Variants in MAPK8 observed in about 807,000 individuals in gnomAD.
MAPK8 encodes JUN N-terminal kinase.
Under a neutral mutation model 52.9 loss-of-function variants are expected in MAPK8, and 13 were observed. The observed-to-expected ratio is 0.25, with a 90% confidence interval of 0.16 to 0.39. The LOEUF (loss-of-function observed/expected upper bound fraction) is 0.39. Ranked by LOEUF, MAPK8 falls within the 10% of genes least tolerant of loss-of-function variation. MAPK8 has a pLI of 1.00. For synonymous variants in MAPK8, 191 were observed against 169.8 expected (o/e 1.12, Z -0.97); for missense variants, 300 against 519.2 (o/e 0.58, Z 4.10).
At chr10:48,360,915 AC>A (rs1490866690) in intron 1 of MAPK8, among the ~76,000 whole-genome samples, 1 of 152,190 alleles carries the variant, frequency 6.6e-6, no homozygotes, top group Non-Finnish European at 1.5e-5. Flanking sequence ...GGTGATGGAT[AC>A]ACTGGTGTTC....
intron 1 of MAPK8, among the ~76,000 whole-genome samples, chr10:48,325,722 T>C (rs896959263): frequency 2.0e-5 from 3 of 152,162 alleles, no homozygotes; most frequent in Non-Finnish European, 2.9e-5. Flanking sequence ...GCTAGTGTTT[T>C]TGTTTTGTTT....
intron 1 of MAPK8, among the ~76,000 whole-genome samples, chr10:48,335,782 A>G (rs897534193): frequency 6.6e-6 from 1 of 152,228 alleles, no homozygotes; most frequent in Non-Finnish European, 1.5e-5. Context: ...TCATCATAAC[A>G]GATAATGTGG....
chr10:48,353,143 T>G (rs976539475), intron 1 of MAPK8, among the ~76,000 whole-genome samples: 2 of 152,220 alleles, frequency 1.3e-5, no homozygotes, highest in Admixed American at 1.3e-4. Context: ...ATTGGAAGAC[T>G]CAGCATGTTA....
intron 7 of MAPK8, chr10:48,424,481 CT>C (rs747617667): frequency 2.2e-6 from 3 of 1,360,796 alleles, no homozygotes; most frequent in Non-Finnish European, 2.0e-6. Context: ...TAACCAAAAT[CT>C]TTATGTTAAT....
At chr10:48,355,826 A>G (rs573375131) in intron 1 of MAPK8, among the ~76,000 whole-genome samples, 18 of 152,350 alleles carry the variant, frequency 1.2e-4, no homozygotes, top group Admixed American at 3.3e-4. Context: ...TTGTTACAAT[A>G]AAACAGCAGA....
chr10:48,317,165 A>C (rs564875189), intron 1 of MAPK8, among the ~76,000 whole-genome samples: 4 of 152,184 alleles, frequency 2.6e-5, no homozygotes, highest in African/African-American at 9.6e-5. Context: ...AAGATGGTTA[A>C]AAAACAATGA....
At chr10:48,308,501 A>G (rs760820315) in intron 1 of MAPK8, among the ~76,000 whole-genome samples, 1 of 152,192 alleles carries the variant, frequency 6.6e-6, no homozygotes, top group Non-Finnish European at 1.5e-5. Flanking sequence ...CTGTCCTAAA[A>G]TAAAATCTTG....
chr10:48,370,410 T>G (rs1024701600), intron 1 of MAPK8, among the ~76,000 whole-genome samples: 4 of 152,190 alleles, frequency 2.6e-5, no homozygotes, highest in African/African-American at 9.7e-5. Context: ...GCAGTCTGAT[T>G]ACATGCTTAT....
intron 1 of MAPK8, among the ~76,000 whole-genome samples, chr10:48,325,389 C>T (rs770502271): frequency 6.6e-6 from 1 of 152,154 alleles, no homozygotes. Context: ...TTTAACATAC[C>T]AATTTTGAAA....
intron 1 of MAPK8, among the ~76,000 whole-genome samples, chr10:48,373,069 G>T (rs1015874161): frequency 7.2e-5 from 11 of 152,072 alleles, no homozygotes; most frequent in African/African-American, 2.7e-4. Flanking sequence ...AGAATAGAGT[G>T]GGGGCTAATA....
At chr10:48,400,477 C>T (rs2042105177) in intron 1 of MAPK8, among the ~76,000 whole-genome samples, 1 of 152,194 alleles carries the variant, frequency 6.6e-6, no homozygotes, top group African/African-American at 2.4e-5. Flanking sequence ...ATATTCCACT[C>T]TTGCTCCCCC....
rs1042214509 is a variant in MAPK8 at position 48,330,973 on chromosome 10, T to C, written c.-50+24152T>C. On this transcript the variant is annotated intron_variant, in intron 1 of 11. Coordinates refer to ENST00000374189, the MANE Select transcript of MAPK8 (RefSeq NM_001323329.2). ...GATTTGTTTCTCGGTCTAGAATGGA[T>C]GGATTGTCATTGGTGATGAGTATAG... Among the ~76,000 whole-genome samples the C allele has an allele frequency of 1.2e-4, 19 of 152,284 alleles. 1 individual carries two copies. In the South Asian group the frequency reaches 3.9e-3, roughly 32 times the overall value.
rs191067889 is a variant in MAPK8 at position 48,342,964 on chromosome 10, A to G, written c.-50+36143A>G. On this transcript the variant is annotated intron_variant, in intron 1 of 11. Transcript: ENST00000374189. ...TATAGAAAGAGAAGAGCAGTCCTGT[A>G]TTTTGAGGAATTCCCCCTATTGAAT... 4.1e-4 allele frequency among the ~76,000 whole-genome samples: 62 copies of G among 152,318 alleles called. No homozygotes were observed. In the South Asian group the frequency reaches 4.8e-3, roughly 12 times the overall value.
chr10:48,413,184 T>G (rs1462657619), intron 5 of MAPK8, among the ~76,000 whole-genome samples: 1 of 152,214 alleles, frequency 6.6e-6, no homozygotes, highest in Non-Finnish European at 1.5e-5. Context: ...TGCTTATCCA[T>G]TCATCAGTCA....
chr10:48,414,636 G>A lies in MAPK8; in HGVS notation c.450+4468G>A, dbSNP rs891935566. ...CTGTCACCCAGGCATGAGTGCAGTA[G>A]CATGAACATGGCTTACTGCAGCCTT... is the stretch of plus-strand genomic sequence containing the variant. On this transcript the variant is annotated intron_variant, in intron 5 of 11. Transcript: ENST00000374189. 2.1e-5 allele frequency among the ~76,000 whole-genome samples: 3 copies of A among 142,780 alleles called. No homozygotes were observed. The East Asian group carries it at 6.1e-4, about 29-fold the overall frequency. 93.7% of individuals were successfully genotyped at this position (142,780 alleles called of 152,430 possible). A position where few individuals can be genotyped will look rare whatever the true frequency, so the allele number is the denominator to read the frequency against.
At chr10:48,421,003 G>C (rs1589255138) in intron 6 of MAPK8, among the ~76,000 whole-genome samples, 1 of 152,150 alleles carries the variant, frequency 6.6e-6, no homozygotes. Flanking sequence ...AAATTTTGTT[G>C]AGTCTTAGAA....
chr10:48,351,272 ATT>A (rs66660207), intron 1 of MAPK8, among the ~76,000 whole-genome samples: 2 of 129,534 alleles, frequency 1.5e-5, no homozygotes, highest in Non-Finnish European at 1.6e-5. Context: ...ATAACTTTGA[ATT>A]TTTTTTTTTT....
At chr10:48,351,871 AAAAAT>A (rs1846370369) in intron 1 of MAPK8, among the ~76,000 whole-genome samples, 1 of 152,176 alleles carries the variant, frequency 6.6e-6, no homozygotes, top group African/African-American at 2.4e-5. Flanking sequence ...CCCAAAATCT[AAAAAT>A]GCTCCAGTGA....
chr10:48,387,144 G>A (rs922614018), intron 1 of MAPK8, among the ~76,000 whole-genome samples: 2 of 152,120 alleles, frequency 1.3e-5, no homozygotes, highest in Non-Finnish European at 2.9e-5. Flanking sequence ...TACAAACCAG[G>A]CCTCTTTCTC....
Sources: allele counts gnomAD v4.1 joint callset (sites outside exome capture counted in the v4.1 genomes callset), GRCh38; gene constraint gnomAD v4.1.1; transcripts MANE v1.5; gene names NCBI Gene and HGNC (gene_info 2026-07-23, HGNC 2026-07-21).